The following ERC1 variants were observed in gnomAD, a reference collection of about 807,000 sequenced individuals.
ERC1 encodes the protein ELKS/RAB6-interacting/CAST family member 1, also known as RAB6 interacting protein 2.
A neutral mutation model predicts 132.0 loss-of-function variants in ERC1; 56 were observed. The ratio of observed to expected loss-of-function variants is 0.42; its 90% CI spans 0.34 to 0.53. The LOEUF (loss-of-function observed/expected upper bound fraction) is 0.53, where lower values mean the gene tolerates loss of function less well. Ranked by LOEUF, ERC1 falls within the 20% of genes least tolerant of loss-of-function variation. The pLI is 0.03. For synonymous variants in ERC1, 478 were observed against 476.1 expected (o/e 1.00, Z -0.05); for missense variants, 1,202 against 1,349.9 (o/e 0.89, Z 1.72).
Position 1,485,417 on chromosome 12 carries a change from C to A in ERC1, c.3214-4676C>A, listed in dbSNP as rs184586146. Among the ~76,000 whole-genome samples the A allele has an allele frequency of 9.2e-5, 14 of 151,846 alleles. 1 individual carries two copies. The highest frequency in any genetic ancestry group is 2.1e-4 in the South Asian group (1 of 4,800). On this transcript the variant is annotated intron_variant, in intron 18 of 18. Coordinates refer to ENST00000360905, the MANE Select transcript of ERC1 (RefSeq NM_178040.4). ...ACAGAGTTTCACCACATTGGCCAGG[C>A]TGGTCTTGAACTCCTGACCTTGTGA...
chr12:1,390,344 A>C (rs1462247942), intron 16 of ERC1, among the ~76,000 whole-genome samples: 1 of 152,182 alleles, frequency 6.6e-6, no homozygotes, highest in Non-Finnish European at 1.5e-5. Context: ...CATAAATTAA[A>C]ATTTTAAAAA....
Position 1,204,257 on chromosome 12 carries a change from C to CTTTT in ERC1, c.2351+14214_2351+14217dup, listed in dbSNP as rs112909125. Among the ~76,000 whole-genome samples, 4 of 146,874 alleles carry CTTTT rather than the reference C, an allele frequency of 2.7e-5. No homozygotes were observed. The East Asian group carries it at 8.0e-4, about 29-fold the overall frequency. The stretch of plus-strand genomic sequence containing the variant: ...CCAGGAAATGGTAAATTTTAGACAA[C>CTTTT]TTTTTTTTTTTTGAGAAACTTTCAT... On this transcript the variant is annotated intron_variant, in intron 12 of 18. Transcript: ENST00000360905.
intron 12 of ERC1, among the ~76,000 whole-genome samples, chr12:1,202,468 G>A (rs1341096665): frequency 1.3e-5 from 2 of 152,034 alleles, no homozygotes; most frequent in Non-Finnish European, 2.9e-5. Flanking sequence ...GACCAGCTTA[G>A]GCAAGTGGCG....
At chr12:1,256,777 T>G (rs1594591646) in intron 13 of ERC1, among the ~76,000 whole-genome samples, 1 of 150,990 alleles carries the variant, frequency 6.6e-6, no homozygotes, top group Admixed American at 6.6e-5. Context: ...AATATCTGCC[T>G]TTATATTTTA....
chr12:1,418,628 TTTC>T (rs2092268403), intron 17 of ERC1, among the ~76,000 whole-genome samples: 1 of 117,850 alleles, frequency 8.5e-6, no homozygotes, highest in South Asian at 2.6e-4. Flanking sequence ...TCTTTCTTTC[TTTC>T]TTTCTTTCTT....
chr12:1,120,873 T>A (rs1418083243), intron 7 of ERC1, among the ~76,000 whole-genome samples: 1 of 152,154 alleles, frequency 6.6e-6, no homozygotes, highest in East Asian at 1.9e-4. Flanking sequence ...CTCTAGGATG[T>A]TTTGGCACTA....
intron 16 of ERC1, among the ~76,000 whole-genome samples, chr12:1,382,346 T>C (rs1361074371): frequency 6.6e-6 from 1 of 152,142 alleles, no homozygotes; most frequent in Non-Finnish European, 1.5e-5. Flanking sequence ...AGGGGCCACA[T>C]GGTGTTGTCT....
At chr12:1,043,577 T>C (rs1970627181) in intron 2 of ERC1, among the ~76,000 whole-genome samples, 1 of 152,140 alleles carries the variant, frequency 6.6e-6, no homozygotes, top group Admixed American at 6.6e-5. Context: ...CACATTCCCC[T>C]CACTGCTTAG....
At chr12:1,359,077 C>T (rs2085818511) in intron 15 of ERC1, among the ~76,000 whole-genome samples, 1 of 152,044 alleles carries the variant, frequency 6.6e-6, no homozygotes, top group Non-Finnish European at 1.5e-5. Flanking sequence ...CCAAAATTGT[C>T]ATTAGTACTA....
intron 2 of ERC1, among the ~76,000 whole-genome samples, chr12:1,032,642 C>T (rs1169746435): frequency 6.6e-6 from 1 of 152,166 alleles, no homozygotes; most frequent in East Asian, 1.9e-4. Flanking sequence ...GATGTCTCTT[C>T]ACCTTGTGAA....
At chr12:1,050,329 A>G (rs1019932888) in intron 2 of ERC1, among the ~76,000 whole-genome samples, 3 of 152,220 alleles carry the variant, frequency 2.0e-5, no homozygotes, top group African/African-American at 7.2e-5. Context: ...GGTAGCAAAC[A>G]GGATAGAATG....
chr12:1,285,334 C>T (rs2078972176), intron 14 of ERC1, among the ~76,000 whole-genome samples: 1 of 152,120 alleles, frequency 6.6e-6, no homozygotes, highest in African/African-American at 2.4e-5. Context: ...CCAAGATAGT[C>T]AAGTGGGAAA....
intron 3 of ERC1, among the ~76,000 whole-genome samples, chr12:1,095,812 C>T (rs2154194902): frequency 6.6e-6 from 1 of 152,220 alleles, no homozygotes; most frequent in East Asian, 1.9e-4. Flanking sequence ...CTGTAAGGTG[C>T]AGGCTTCTGA....
intron 1 of ERC1, among the ~76,000 whole-genome samples, chr12:996,263 T>TTC (rs1960853797): frequency 7.0e-6 from 1 of 141,906 alleles, no homozygotes; most frequent in Admixed American, 7.1e-5. Flanking sequence ...TTTTTTTTTT[T>TTC]TTTTTTTTTT....
chr12:1,065,252 C>T (rs748185472), intron 2 of ERC1, among the ~76,000 whole-genome samples: 15 of 152,070 alleles, frequency 9.9e-5, no homozygotes, highest in Admixed American at 3.3e-4. Context: ...CTGCTCACCT[C>T]GGCCTCCCAA....
chr12:1,485,197 A>ATTTT (rs1228695719), intron 18 of ERC1, among the ~76,000 whole-genome samples: 3 of 97,602 alleles, frequency 3.1e-5, no homozygotes, highest in Non-Finnish European at 4.4e-5. Context: ...TCAAGTTTAT[A>ATTTT]TTTCTTTTTT....
In ERC1 at chr12:1,383,428, C is replaced by T. The variant is rs537613051; in HGVS notation, c.2925+11451C>T. Among the ~76,000 whole-genome samples, 6 of 137,964 alleles carry T rather than the reference C, an allele frequency of 4.3e-5. No homozygotes were observed. The East Asian group carries it at 1.2e-3, about 27-fold the overall frequency. The allele number at this position is 137,964 out of a possible 152,430, so 90.5% of individuals were successfully genotyped here. A position where few individuals can be genotyped will look rare whatever the true frequency, so the allele number is the denominator to read the frequency against. ...AATATATTCCAAAAATCTGTTCCTGCTGCCTCTTTTGGTCTCTTTTGAACT... is the reference window on the plus strand; with the variant it reads ...AATATATTCCAAAAATCTGTTCCTGTTGCCTCTTTTGGTCTCTTTTGAACT... On this transcript the variant is annotated intron_variant, in intron 16 of 18. Coordinates refer to ENST00000360905, the MANE Select transcript of ERC1 (RefSeq NM_178040.4).
At chr12:1,396,246 A>G (rs1354060551) in intron 16 of ERC1, among the ~76,000 whole-genome samples, 1 of 152,234 alleles carries the variant, frequency 6.6e-6, no homozygotes, top group Non-Finnish European at 1.5e-5. Flanking sequence ...TTTGTTTAAT[A>G]CAAAGAGGAA....
At chr12:1,439,419 T>C (rs190998077) in intron 17 of ERC1, among the ~76,000 whole-genome samples, 2 of 152,384 alleles carry the variant, frequency 1.3e-5, no homozygotes, top group African/African-American at 4.8e-5. Flanking sequence ...AATGCTGGCC[T>C]CTGAAGCCTG....
Sources: allele counts gnomAD v4.1 joint callset (sites outside exome capture counted in the v4.1 genomes callset), GRCh38; gene constraint gnomAD v4.1.1; transcripts MANE v1.5; gene names NCBI Gene and HGNC (gene_info 2026-07-23, HGNC 2026-07-21).